Variants in MDM2 observed in about 807,000 individuals in gnomAD.
The protein encoded by MDM2 is E3 ubiquitin-protein ligase Mdm2.
A neutral mutation model predicts 64.3 loss-of-function variants in MDM2; 11 were observed. The ratio of observed to expected loss-of-function variants is 0.17; its 90% CI spans 0.11 to 0.28. The LOEUF is 0.28. MDM2 is among the 10% of genes least tolerant of loss of function. The probability of loss-of-function intolerance (pLI) is 1.00; values close to 1 mark genes in which losing one functional copy is unlikely to be tolerated. For synonymous variants in MDM2, 194 were observed against 192.9 expected, an observed-to-expected ratio of 1.01 and a Z score of -0.05; for missense variants, 388 against 577.1, an observed-to-expected ratio of 0.67 and a Z score of 3.36.
chr12:68,830,696 A>G (rs1882723454), intron 8 of MDM2, among the ~76,000 whole-genome samples: 1 of 152,144 alleles, frequency 6.6e-6, no homozygotes, highest in African/African-American at 2.4e-5. Context: ...AAAGAGAATT[A>G]TTATACCCTA....
chr12:68,824,322 C>A lies in MDM2; in HGVS notation c.359-41C>A, dbSNP rs374258492. 4.6e-6 allele frequency: 7 copies of A among 1,531,456 alleles called. No homozygotes were observed. The South Asian group carries it at 5.7e-5, about 12-fold the overall frequency. The allele number at this position is 1,531,456 out of a possible 1,614,324, so 94.9% of individuals were successfully genotyped here. On this transcript the variant is annotated intron_variant, in intron 5 of 10. Coordinates refer to ENST00000258149, the MANE Select transcript of MDM2 (RefSeq NM_002392.6). ...TACTGAGTAGCGCCCCGCCGCCCCC[C>A]GCCCACCACCAAGTTTCTGATCCTT...
chr12:68,819,227 T>C (rs1489746269), intron 4 of MDM2, among the ~76,000 whole-genome samples: 1 of 152,166 alleles, frequency 6.6e-6, no homozygotes. Context: ...CTCTTAATAT[T>C]GAGTGAGAAA....
intron 5 of MDM2, among the ~76,000 whole-genome samples, chr12:68,822,867 A>G (rs932436068): frequency 4.6e-5 from 7 of 151,722 alleles, no homozygotes; most frequent in African/African-American, 1.7e-4. Context: ...CAGCCTCCCG[A>G]GTAGGTGGGA....
At chr12:68,838,791 T>G (rs965336743) in intron 10 of MDM2, among the ~76,000 whole-genome samples, 6 of 152,214 alleles carry the variant, frequency 3.9e-5, no homozygotes, top group Non-Finnish European at 8.8e-5. Context: ...ACTTTATAGG[T>G]ACATGATTAA....
chr12:68,810,623 G>A (rs1490366363), intron 2 of MDM2, among the ~76,000 whole-genome samples: 2 of 151,396 alleles, frequency 1.3e-5, no homozygotes, highest in South Asian at 2.1e-4. Flanking sequence ...CACCACGCCC[G>A]GCTAATTTTT....
At chr12:68,818,965 C>T (rs1178497151) in intron 4 of MDM2, among the ~76,000 whole-genome samples, 2 of 152,070 alleles carry the variant, frequency 1.3e-5, no homozygotes, top group South Asian at 4.1e-4. Context: ...CTCCTGACTT[C>T]AAGTGATCTG....
chr12:68,825,044 T>TA (rs199784405), intron 7 of MDM2, among the ~76,000 whole-genome samples: 2,114 of 151,500 alleles, frequency 0.014, 54 homozygotes, highest in African/African-American at 0.048. Flanking sequence ...CCATCTCTAC[T>TA]AAAAAAAATA....
At chr12:68,810,249 G>C (rs1032057075) in intron 2 of MDM2, among the ~76,000 whole-genome samples, 3 of 151,586 alleles carry the variant, frequency 2.0e-5, no homozygotes, top group African/African-American at 4.9e-5. Context: ...GGCAGAGGTT[G>C]CGGTGAGCCA....
downstream of MDM2, chr12:68,849,399 T>TCG (rs1555190554): frequency 7.7e-6 from 1 of 129,090 alleles, no homozygotes; most frequent in African/African-American, 2.6e-5. Context: ...CGTTTTTTTT[T>TCG]TTGTTGTTGT....
intron 3 of MDM2, among the ~76,000 whole-genome samples, chr12:68,816,000 A>G (rs1881336692): frequency 6.6e-6 from 1 of 152,180 alleles, no homozygotes; most frequent in Admixed American, 6.5e-5. Context: ...TTGATACCTT[A>G]GAGGGTTTAT....
At chr12:68,809,972 C>T (rs563422638) in intron 2 of MDM2, among the ~76,000 whole-genome samples, 150 of 151,942 alleles carry the variant, frequency 9.9e-4, no homozygotes, top group Middle Eastern at 6.8e-3. Flanking sequence ...CAGATAGTGC[C>T]GCTTTGTACA....
Position 68,820,380 on chromosome 12 carries a change from T to A in MDM2, c.358+6T>A. 6.2e-7 allele frequency: 1 copy of A among 1,603,490 alleles called. No individual in the cohort carries two copies. Among genetic ancestry groups the A allele is most frequent in the Non-Finnish European group, 8.5e-7 (1 of 1,174,208 alleles). On this transcript the variant is annotated splice_donor_region_variant and intron_variant, in intron 5 of 10. Transcript: ENST00000258149. ...GGTAGTAGTCAATCAGCAGGGTAAG[T>A]TAATTTTGAGCATCATGGATAAATA...
chr12:68,810,332 A>G (rs1377781416), intron 2 of MDM2, among the ~76,000 whole-genome samples: 4 of 151,872 alleles, frequency 2.6e-5, no homozygotes, highest in Admixed American at 6.6e-5. Flanking sequence ...AAGAAAAGAA[A>G]AAGATTTTAG....
chr12:68,821,885 TCTCA>T (rs1358886855), intron 5 of MDM2, among the ~76,000 whole-genome samples: 2 of 152,182 alleles, frequency 1.3e-5, no homozygotes, highest in African/African-American at 4.8e-5. Context: ...TGAGATGGGC[TCTCA>T]CTCTGTCACC....
rs1881425493 is a variant in MDM2, at chr12:68,816,796, C to G, written c.175-16C>G. 1 of 1,561,972 alleles carries G rather than the reference C, an allele frequency of 6.4e-7. No homozygotes were observed. The highest frequency in any genetic ancestry group is 8.7e-7 in the Non-Finnish European group (1 of 1,155,520). On this transcript the variant is annotated splice_polypyrimidine_tract_variant and intron_variant, in intron 3 of 10. Transcript: ENST00000258149. ...TTAGTTTTCTTTAATGCTCAGAAAT[C>G]ATATTTGTATTTCAGGTTCTTTTTT...
Position 68,813,613 on chromosome 12 carries a change from T to C in MDM2, c.159T>C (p.Thr53=), listed in dbSNP as rs1234240793. The change falls in exon 3 of 11, where the codon ACT becomes ACC. Residue 53 remains threonine (T), a synonymous_variant. Coordinates refer to ENST00000258149, the MANE Select transcript of MDM2 (RefSeq NM_002392.6). ...AGTCTGTTGGTGCACAAAAAGACAC[T>C]TATACTATGAAAGAGGTAAGCTGAA... ...LLKSVGAQKD[T]YTMKEVLFYL... 4 of 1,612,540 alleles carry C rather than the reference T, an allele frequency of 2.5e-6. No individual in the cohort carries two copies. The highest frequency in any genetic ancestry group is 3.4e-6 in the Non-Finnish European group (4 of 1,178,986).
At position 68,808,323 on chromosome 12, in the gene MDM2, A is replaced by G. The variant is rs1880537454; in HGVS notation, c.-155A>G. 3.2e-6 allele frequency: 3 copies of G among 943,350 alleles called. No homozygotes were observed. Among genetic ancestry groups the G allele is most frequent in the South Asian group, 1.4e-5 (1 of 70,800 alleles). The allele number at this position is 943,350 out of a possible 1,614,324, so 58.4% of individuals were successfully genotyped here. On this transcript the variant is annotated 5_prime_UTR_variant, in exon 1 of 11. Transcript: ENST00000258149. The stretch of plus-strand genomic sequence containing the variant: ...TCCTGCTGCTTTCGCAGCCAGGAGC[A>G]CCGTCCCTCCCCGGATTAGTGCGTA...
intron 8 of MDM2, among the ~76,000 whole-genome samples, chr12:68,830,583 T>C (rs1882713110): frequency 6.6e-6 from 1 of 152,300 alleles, no homozygotes; most frequent in South Asian, 2.1e-4. Flanking sequence ...ATGAAAACAT[T>C]TAATAAATCC....
Position 68,842,160 on chromosome 12 carries a change from G to A in MDM2, c.*2311G>A, listed in dbSNP as rs1352112606. On this transcript the variant is annotated 3_prime_UTR_variant, in exon 11 of 11. Transcript: ENST00000258149. ...TAACAAGCCTGTCAAATATCTGCAAGAACTATGGAATAAAACTACTGATGC... is the reference window on the plus strand; with the variant it reads ...TAACAAGCCTGTCAAATATCTGCAAAAACTATGGAATAAAACTACTGATGC... 8.4e-6 allele frequency: 4 copies of A among 477,414 alleles called. No homozygotes were observed. Among genetic ancestry groups the A allele is most frequent in the East Asian group, 4.5e-5 (1 of 22,050 alleles). The allele number at this position is 477,414 out of a possible 1,614,324, so 29.6% of individuals were successfully genotyped here.
Sources: gnomAD v4.1 joint callset for allele counts (sites outside exome capture counted in the v4.1 genomes callset) on GRCh38, gnomAD v4.1.1 for gene constraint, MANE v1.5 for transcripts, NCBI Gene and HGNC (gene_info 2026-07-23, HGNC 2026-07-21) for gene names.